The following RPN1 variants were observed in gnomAD, a reference collection of about 807,000 sequenced individuals.
RPN1 encodes the protein ribophorin I.
In RPN1, 12 loss-of-function variants were observed where a neutral mutation model predicts 55.5. The ratio of observed to expected loss-of-function variants is 0.22; its 90% CI spans 0.14 to 0.35. The LOEUF is 0.35. RPN1 is among the 10% of genes least tolerant of loss of function. The pLI, the probability that RPN1 is intolerant of heterozygous loss-of-function variation, is 1.00. For synonymous variants in RPN1, 317 were observed against 305.9 expected (o/e 1.04, Z -0.38); for missense variants, 679 against 761.3 (o/e 0.89, Z 1.27).
chr3:128,622,275 G>A lies in RPN1; in HGVS notation c.1530C>T (p.Ser510=). 6.2e-7 allele frequency: 1 copy of A among 1,614,230 alleles called. No individual in the cohort carries two copies. The highest frequency in any genetic ancestry group is 8.5e-7 in the Non-Finnish European group (1 of 1,180,046). The change falls in exon 9 of 10, where the codon TCC becomes TCT. Residue 510 remains serine (S), a synonymous_variant. Coordinates refer to ENST00000296255, the MANE Select transcript of RPN1 (RefSeq NM_002950.4). ...VNRYKQSRDI[S]TLNSGKKSLE... ...GGCTCTTCTTGCCACTGTTGAGGGT[G>A]GAGATGTCCCGGGATTGCTTGTACC...
In RPN1 at chr3:128,647,683, C is replaced by T. The variant is rs1338378593; in HGVS notation, c.262-2700G>A. ...TCTACCCTGGGGAACAGATTGAGAA[C>T]TTGCCTCAAGAAAAAAAAAAAAAAA... On this transcript the variant is annotated intron_variant, in intron 1 of 9. Coordinates refer to ENST00000296255, the MANE Select transcript of RPN1 (RefSeq NM_002950.4). Among the ~76,000 whole-genome samples the T allele has an allele frequency of 3.5e-5, 5 of 141,712 alleles. No individual in the cohort carries two copies. The East Asian group carries it at 6.0e-4, about 17-fold the overall frequency. The allele number at this position is 141,712 out of a possible 152,430, so 93.0% of individuals were successfully genotyped here. A position where few individuals can be genotyped will look rare whatever the true frequency, so the allele number is the denominator to read the frequency against.
chr3:128,634,563 C>CTTTTT (rs374113354), intron 3 of RPN1, among the ~76,000 whole-genome samples: 1 of 135,644 alleles, frequency 7.4e-6, no homozygotes, highest in Non-Finnish European at 1.6e-5. Flanking sequence ...CTCCATAAAC[C>CTTTTT]TTTTTTTTTT....
intron 1 of RPN1, among the ~76,000 whole-genome samples, chr3:128,645,335 T>A (rs992317965): frequency 6.6e-6 from 1 of 151,952 alleles, no homozygotes; most frequent in Non-Finnish European, 1.5e-5. Context: ...CTAGGCATGG[T>A]GGCACATGCC....
Position 128,620,417 on chromosome 3 carries a change from G to A in RPN1, c.1818C>T (p.Ala606=), listed in dbSNP as rs756564043. 5 of 1,612,930 alleles carry A rather than the reference G, an allele frequency of 3.1e-6. No individual in the cohort carries two copies. Among genetic ancestry groups the A allele is most frequent in the Non-Finnish European group, 4.2e-6 (5 of 1,179,396 alleles). Residue 606 remains alanine, a synonymous_variant, in exon 10 of 10, where the codon GCC becomes GCT. Coordinates refer to ENST00000296255, the MANE Select transcript of RPN1 (RefSeq NM_002950.4). ...LVTKIDHILD[A]L is the part of the protein sequence containing the mutation. The stretch of plus-strand genomic sequence containing the variant: ...TGGAGGATGCGGGCAGGGGCTACAG[G>A]GCATCCAGGATGTGGTCGATCTTGG...
At chr3:128,634,965 T>C (rs1166432743) in intron 3 of RPN1, among the ~76,000 whole-genome samples, 4 of 152,150 alleles carry the variant, frequency 2.6e-5, no homozygotes, top group Non-Finnish European at 4.4e-5. Flanking sequence ...TGTCCCAACA[T>C]GAACTCTCAC....
chr3:128,629,905 G>T (rs745604275), intron 5 of RPN1, 46 bp downstream of exon 5: 4 of 1,105,728 alleles, frequency 3.6e-6, no homozygotes, highest in South Asian at 1.5e-5. Flanking sequence ...AAAAATTCAC[G>T]AAATTAAAGA....
intron 2 of RPN1, 29 bp downstream of exon 2, chr3:128,644,890 G>A (rs1025446766): frequency 8.0e-7 from 1 of 1,248,532 alleles, no homozygotes; most frequent in Non-Finnish European, 1.2e-6. Context: ...CCTTTAACAA[G>A]AGACAAGGTA....
At chr3:128,637,680 C>T in intron 3 of RPN1, 119 bp downstream of exon 3, 1 of 1,032,270 alleles carries the variant, frequency 9.7e-7, no homozygotes, top group Non-Finnish European at 1.4e-6. Context: ...TTTGGGATGA[C>T]CTTAGAAATG....
At chr3:128,643,353 G>A (rs1030522754) in intron 2 of RPN1, among the ~76,000 whole-genome samples, 1 of 150,440 alleles carries the variant, frequency 6.6e-6, no homozygotes, top group Non-Finnish European at 1.5e-5. Flanking sequence ...ACAAAGATAG[G>A]TAGGATCACA....
chr3:128,635,660 T>G (rs28696167), intron 3 of RPN1, among the ~76,000 whole-genome samples: 25 of 117,424 alleles, frequency 2.1e-4, no homozygotes, highest in Admixed American at 5.4e-4. Flanking sequence ...TATATATATA[T>G]ATATAGATAT....
chr3:128,628,797 C>T (rs1001890917), intron 5 of RPN1, among the ~76,000 whole-genome samples: 40 of 151,838 alleles, frequency 2.6e-4, no homozygotes, highest in Non-Finnish European at 5.2e-4. Flanking sequence ...GCCTGACCAA[C>T]GTAGTTAAAC....
rs71153135 is a variant in RPN1, at chr3:128,635,690, T to TACACACACACACAC, written c.633+2095_633+2108dup. Among the ~76,000 whole-genome samples the TACACACACACACAC allele has an allele frequency of 7.6e-3, 1,050 of 138,242 alleles. 18 individuals carry two copies. Among genetic ancestry groups the TACACACACACACAC allele is most frequent in the African/African-American group, 0.026 (962 of 36,724 alleles). The allele number at this position is 138,242 out of a possible 152,430, so 90.7% of individuals were successfully genotyped here. A position where few individuals can be genotyped will look rare whatever the true frequency, so the allele number is the denominator to read the frequency against. On this transcript the variant is annotated intron_variant, in intron 3 of 9. Coordinates refer to ENST00000296255, the MANE Select transcript of RPN1 (RefSeq NM_002950.4). ...AGATATCTATAGATATCTATAGATA[T>TACACACACACACAC]ACACACACACACACACACACACACA... is the stretch of plus-strand genomic sequence containing the variant.
At chr3:128,642,790 G>C (rs555331272) in intron 2 of RPN1, among the ~76,000 whole-genome samples, 2 of 152,104 alleles carry the variant, frequency 1.3e-5, no homozygotes, top group African/African-American at 4.8e-5. Flanking sequence ...GGGAGGCCGA[G>C]GCGGGTGCAT....
At chr3:128,641,872 A>G (rs1184857791) in intron 2 of RPN1, among the ~76,000 whole-genome samples, 1 of 152,084 alleles carries the variant, frequency 6.6e-6, no homozygotes, top group East Asian at 1.9e-4. Context: ...CGGCCTCCCA[A>G]AGTGCTGGGA....
At chr3:128,642,734 A>C (rs1255910856) in intron 2 of RPN1, among the ~76,000 whole-genome samples, 6 of 152,060 alleles carry the variant, frequency 3.9e-5, no homozygotes, top group Non-Finnish European at 8.8e-5. Context: ...CATACAAGAA[A>C]AAAAGGGGTC....
At chr3:128,638,532 T>G (rs950388060) in intron 2 of RPN1, among the ~76,000 whole-genome samples, 1 of 152,114 alleles carries the variant, frequency 6.6e-6, no homozygotes, top group South Asian at 2.1e-4. Flanking sequence ...CAGGCTGGAG[T>G]GCAGTGGCAT....
chr3:128,637,994 G>C lies in RPN1; in HGVS notation c.438C>G (p.Ile146Met). 1 of 1,614,174 alleles carries C rather than the reference G, an allele frequency of 6.2e-7. No homozygotes were observed. Among genetic ancestry groups the C allele is most frequent in the Non-Finnish European group, 8.5e-7 (1 of 1,180,024 alleles). ...THVLHPYPTQ[I>M]TQSEKQFVVF... ...CCACAAACTGTTTCTCTGACTGGGT[G>C]ATCTGGGTTGGATACGGATGAAGCA... The change falls in exon 3 of 10, where the codon ATC (isoleucine) becomes ATG (methionine). Residue 146 changes from isoleucine to methionine, a missense_variant. This residue lies in a region of RPN1 where 352 missense variants were observed against 352.8 expected (regional missense o/e 1.00). Transcript: ENST00000296255.
chr3:128,632,625 T>G (rs2069649979), intron 3 of RPN1, among the ~76,000 whole-genome samples: 1 of 152,166 alleles, frequency 6.6e-6, no homozygotes, highest in South Asian at 2.1e-4. Context: ...GACAGAGTCT[T>G]GCTCTGTCAC....
intron 3 of RPN1, 110 bp downstream of exon 3, chr3:128,637,689 T>C (rs2069690740): frequency 1.8e-6 from 2 of 1,118,168 alleles, no homozygotes; most frequent in Non-Finnish European, 2.6e-6. Flanking sequence ...ACCTTAGAAA[T>C]GACTGCAGAT....
Sources: allele counts gnomAD v4.1 joint callset (sites outside exome capture counted in the v4.1 genomes callset), GRCh38; gene constraint gnomAD v4.1.1; regional missense constraint gnomAD v4.1.1; transcripts MANE v1.5; gene names NCBI Gene and HGNC (gene_info 2026-07-23, HGNC 2026-07-21).